Variants in WIPF1 observed in about 807,000 individuals in gnomAD.
WIPF1 encodes the protein WAS/WASL-interacting protein family member 1.
WIPF1 carries 13 observed loss-of-function variants against 35.4 expected under a neutral mutation model. The ratio of observed to expected loss-of-function variants is 0.37; its 90% CI spans 0.24 to 0.58. The LOEUF is 0.58. WIPF1 is among the 20% of genes least tolerant of loss of function. The pLI, the probability that WIPF1 is intolerant of heterozygous loss-of-function variation, is 0.74. For synonymous variants in WIPF1, 267 were observed against 266.3 expected (o/e 1.00, Z -0.02); for missense variants, 591 against 667.0 (o/e 0.89, Z 1.25).
intron 1 of WIPF1, among the ~76,000 whole-genome samples, chr2:174,589,349 TG>T (rs1370617888): frequency 2.6e-5 from 4 of 152,250 alleles, no homozygotes; most frequent in African/African-American, 9.6e-5. Flanking sequence ...CTGTGAGATC[TG>T]GGCAAAAGAA....
chr2:174,618,759 C>T (rs1364440291), intron 1 of WIPF1, among the ~76,000 whole-genome samples: 1 of 152,178 alleles, frequency 6.6e-6, no homozygotes, highest in Non-Finnish European at 1.5e-5. Flanking sequence ...AGTGGTCTGG[C>T]TTCATGCCTC....
intron 6 of WIPF1, 75 bp from the exon 7 acceptor site, chr2:174,567,258 A>G: frequency 7.5e-7 from 1 of 1,340,862 alleles, no homozygotes; most frequent in Non-Finnish European, 1.1e-6. Flanking sequence ...AAGGCACAGA[A>G]TGAAAGAGAG....
At chr2:174,667,308 A>G (rs1183177779) in intron 1 of WIPF1, among the ~76,000 whole-genome samples, 2 of 152,164 alleles carry the variant, frequency 1.3e-5, no homozygotes, top group Non-Finnish European at 2.9e-5. Context: ...CTTTGGCCTT[A>G]TAGTTTCAAT....
chr2:174,609,725 A>G (rs998181436), intron 1 of WIPF1, among the ~76,000 whole-genome samples: 1 of 152,186 alleles, frequency 6.6e-6, no homozygotes, highest in African/African-American at 2.4e-5. Flanking sequence ...TGTTATTACA[A>G]GTGGGCACGG....
intron 1 of WIPF1, among the ~76,000 whole-genome samples, chr2:174,660,953 T>C (rs1251670156): frequency 1.3e-5 from 2 of 152,264 alleles, no homozygotes; most frequent in African/African-American, 2.4e-5. Context: ...GGAAAGCACC[T>C]GACGGAGGCT....
In WIPF1 at chr2:174,572,204, G is replaced by A. The variant is rs770426754; in HGVS notation, c.601C>T (p.Arg201Trp). Residue 201 changes from arginine to tryptophan, a missense_variant, in exon 5 of 8, where the codon CGG becomes TGG. Transcript: ENST00000679041. ...CCTCCGGGCACTGGTGGGGACCCCCGGTTGTGCGGACTTGATTGAATGGGT... is the reference window on the plus strand; with the variant it reads ...CCTCCGGGCACTGGTGGGGACCCCCAGTTGTGCGGACTTGATTGAATGGGT... The part of the protein sequence containing the change: ...PRPIQSSPHN[R>W]GSPPVPGGPR... The A allele has an allele frequency of 1.4e-4, 232 of 1,614,072 alleles. No homozygotes were observed. The highest frequency in any genetic ancestry group is 1.8e-4 in the Non-Finnish European group (215 of 1,180,028).
chr2:174,662,782 T>TAA (rs1687806538), intron 1 of WIPF1, among the ~76,000 whole-genome samples: 1 of 152,210 alleles, frequency 6.6e-6, no homozygotes, highest in African/African-American at 2.4e-5. Flanking sequence ...TGGTCCCTGC[T>TAA]AAGAGTCTTT....
chr2:174,619,925 G>A (rs999697347), intron 1 of WIPF1, among the ~76,000 whole-genome samples: 6 of 151,576 alleles, frequency 4.0e-5, no homozygotes, highest in Non-Finnish European at 8.8e-5. Flanking sequence ...CTGGGCCACA[G>A]GGCAAGACTC....
intron 1 of WIPF1, among the ~76,000 whole-genome samples, chr2:174,588,965 A>G (rs1052600093): frequency 9.2e-5 from 14 of 152,064 alleles, no homozygotes; most frequent in African/African-American, 2.7e-4. Context: ...TCCAATCTCA[A>G]TGGTAACACA....
intron 1 of WIPF1, among the ~76,000 whole-genome samples, chr2:174,625,460 C>G (rs956629360): frequency 1.3e-5 from 2 of 152,148 alleles, no homozygotes. Context: ...GGCTGGGGGG[C>G]TCTGGATGCA....
At chr2:174,626,852 A>G (rs535445956) in intron 1 of WIPF1, among the ~76,000 whole-genome samples, 5 of 152,262 alleles carry the variant, frequency 3.3e-5, no homozygotes, top group Admixed American at 2.0e-4. Context: ...GTCTATTCTC[A>G]ATACAGTGGC....
At chr2:174,655,248 T>C (rs968774632) in intron 1 of WIPF1, among the ~76,000 whole-genome samples, 3 of 152,132 alleles carry the variant, frequency 2.0e-5, no homozygotes, top group African/African-American at 7.2e-5. Context: ...CCATTGGCCA[T>C]CCACCTCCCT....
At chr2:174,654,124 A>G (rs1323959530) in intron 1 of WIPF1, among the ~76,000 whole-genome samples, 1 of 152,150 alleles carries the variant, frequency 6.6e-6, no homozygotes, top group East Asian at 1.9e-4. Flanking sequence ...TAATCATTTA[A>G]ATTATTTATC....
intron 1 of WIPF1, among the ~76,000 whole-genome samples, chr2:174,627,131 C>T (rs1289541899): frequency 2.6e-5 from 4 of 152,216 alleles, no homozygotes; most frequent in Admixed American, 6.5e-5. Context: ...AGCTCACCTA[C>T]ACCCATCCTC....
chr2:174,601,628 C>G (rs1268440388), upstream of WIPF1, among the ~76,000 whole-genome samples: 1 of 152,244 alleles, frequency 6.6e-6, no homozygotes, highest in African/African-American at 2.4e-5. Context: ...GTGGATGACC[C>G]ACAGGTGCTG....
chr2:174,592,507 G>T (rs1685648158), intron 1 of WIPF1, among the ~76,000 whole-genome samples: 1 of 152,018 alleles, frequency 6.6e-6, no homozygotes, highest in African/African-American at 2.4e-5. Context: ...TGCTGGGGGT[G>T]GGGGAGGGTA....
intron 1 of WIPF1, among the ~76,000 whole-genome samples, chr2:174,658,438 C>T (rs958609495): frequency 6.6e-6 from 1 of 152,074 alleles, no homozygotes; most frequent in Non-Finnish European, 1.5e-5. Context: ...ATTACTGATA[C>T]AGGTGGGCCT....
At chr2:174,605,005 T>A (rs1250409116) in intron 1 of WIPF1, among the ~76,000 whole-genome samples, 1 of 152,144 alleles carries the variant, frequency 6.6e-6, no homozygotes, top group East Asian at 1.9e-4. Context: ...GGGGCTGAAT[T>A]GGTAGTATGT....
intron 1 of WIPF1, among the ~76,000 whole-genome samples, chr2:174,646,222 A>T (rs1687407018): frequency 6.6e-6 from 1 of 152,204 alleles, no homozygotes; most frequent in South Asian, 2.1e-4. Flanking sequence ...GGACCAAGAG[A>T]ACACCTAATT....
Sources: allele counts gnomAD v4.1 joint callset (sites outside exome capture counted in the v4.1 genomes callset), GRCh38; gene constraint gnomAD v4.1.1; transcripts MANE v1.5; gene names NCBI Gene and HGNC (gene_info 2026-07-23, HGNC 2026-07-21).